The following IGFL4 variants were observed in gnomAD, a reference collection of about 807,000 sequenced individuals.
IGFL4 encodes insulin growth factor-like family member 4.
IGFL4 carries 12 observed loss-of-function variants against 15.4 expected under a neutral mutation model. The ratio of observed to expected loss-of-function variants is 0.78; its 90% CI spans 0.50 to 1.26. The LOEUF (loss-of-function observed/expected upper bound fraction) is 1.26. Ranked by LOEUF, IGFL4 falls within the 50% of genes most tolerant of loss-of-function variation. The probability of loss-of-function intolerance (pLI) is 0.00; values close to 1 mark genes in which losing one functional copy is unlikely to be tolerated. For missense variants in IGFL4, 126 were observed against 147.8 expected, an observed-to-expected ratio of 0.85 and a Z score of 0.76; for synonymous variants, 54 against 55.9, an observed-to-expected ratio of 0.97 and a Z score of 0.16.
chr19:46,067,770 C>A (rs1969508896), intron 1 of IGFL4, among the ~76,000 whole-genome samples: 2 of 152,106 alleles, frequency 1.3e-5, no homozygotes, highest in African/African-American at 4.8e-5. Context: ...CTGGGACCCA[C>A]ATCTGATCTA....
At chr19:46,050,411 T>TA (rs968730182) in intron 2 of IGFL4, among the ~76,000 whole-genome samples, 5 of 151,232 alleles carry the variant, frequency 3.3e-5, no homozygotes, top group Admixed American at 1.3e-4. Context: ...CTTAAAGAAA[T>TA]AAAAAAAGAT....
At chr19:46,064,119 AT>A (rs1423913335) in intron 1 of IGFL4, among the ~76,000 whole-genome samples, 1 of 151,342 alleles carries the variant, frequency 6.6e-6, no homozygotes, top group African/African-American at 2.4e-5. Flanking sequence ...GGAAGTTTAC[AT>A]GCTGATTCTT....
Position 46,077,019 on chromosome 19 carries a change from C to A in IGFL4, c.-432+1G>T, listed in dbSNP as rs913995975. 6.6e-6 allele frequency: 1 copy of A among 152,230 alleles called. No individual in the cohort carries two copies. Among genetic ancestry groups the A allele is most frequent in the Admixed American group, 6.5e-5 (1 of 15,286 alleles). The allele number at this position is 152,230 out of a possible 1,614,324, so 9.4% of individuals were successfully genotyped here. On this transcript the variant is annotated splice_donor_variant, in intron 1 of 5. Coordinates refer to the IGFL4 transcript ENST00000601672. LOFTEE classifies it low-confidence loss of function (5UTR_SPLICE). The surrounding 1 kb of genome is among the most constrained non-coding windows in gnomAD (Gnocchi z 5.4). ...AGACACAAATGCTGAGGATCTCTCACCTGAGCATCCCTCGATGAGGGCTGT... is the reference window on the plus strand; with the variant it reads ...AGACACAAATGCTGAGGATCTCTCAACTGAGCATCCCTCGATGAGGGCTGT...
intron 1 of IGFL4, among the ~76,000 whole-genome samples, chr19:46,068,710 G>C (rs779876508): frequency 1.3e-5 from 2 of 152,300 alleles, no homozygotes; most frequent in African/African-American, 4.8e-5. Flanking sequence ...AGGAACCGCC[G>C]GGAAAGACTT....
At chr19:46,066,211 T>C (rs758340606) in intron 1 of IGFL4, among the ~76,000 whole-genome samples, 2 of 152,184 alleles carry the variant, frequency 1.3e-5, no homozygotes, top group Non-Finnish European at 2.9e-5. Flanking sequence ...CCAGATAAAA[T>C]ACAAGACTTC....
chr19:46,067,104 A>G (rs1025221874), intron 1 of IGFL4, among the ~76,000 whole-genome samples: 3 of 152,046 alleles, frequency 2.0e-5, no homozygotes, highest in African/African-American at 7.2e-5. Flanking sequence ...CGTAGTCCCC[A>G]TTTCAGATCC....
chr19:46,039,977 G>A (rs1182390606), intron 3 of IGFL4, 41 bp from the exon 4 acceptor site: 1 of 1,570,536 alleles, frequency 6.4e-7, no homozygotes, highest in African/African-American at 1.4e-5. Context: ...TAAGAGGGAG[G>A]GTGGTAGCAG....
At chr19:46,064,417 A>G (rs1969475507) in intron 1 of IGFL4, among the ~76,000 whole-genome samples, 1 of 152,044 alleles carries the variant, frequency 6.6e-6, no homozygotes, top group South Asian at 2.1e-4. Context: ...ATATTTTTGT[A>G]CCCATTAACC....
upstream of IGFL4, among the ~76,000 whole-genome samples, chr19:46,041,572 A>G (rs1460537988): frequency 6.6e-6 from 1 of 151,824 alleles, no homozygotes; most frequent in Admixed American, 6.6e-5. Flanking sequence ...CTGGGATTCC[A>G]GATAGGAAAG....
At chr19:46,051,253 TA>T (rs1452569223) in intron 2 of IGFL4, among the ~76,000 whole-genome samples, 2 of 151,996 alleles carry the variant, frequency 1.3e-5, no homozygotes, top group Admixed American at 6.6e-5. Context: ...TATAAAACAA[TA>T]ACACAATGAG....
chr19:46,077,419 T>C (rs1969618412), upstream of IGFL4, among the ~76,000 whole-genome samples: 1 of 152,100 alleles, frequency 6.6e-6, no homozygotes, highest in African/African-American at 2.4e-5. This position sits in a 1 kb window ranked among gnomAD's most constrained non-coding sequence, Gnocchi z 5.4. Flanking sequence ...CACAGGGAAC[T>C]TGGACCGCCT....
intron 1 of IGFL4, among the ~76,000 whole-genome samples, chr19:46,066,074 T>C (rs2146526397): frequency 6.6e-6 from 1 of 152,296 alleles, no homozygotes; most frequent in Admixed American, 6.5e-5. Context: ...CAGGTGATTT[T>C]TTCTCTTGAT....
Position 46,040,514 on chromosome 19 carries a change from T to C in IGFL4, c.70+4A>G. ...CTCTCCTCCCTCACTGCATCTGTTC[T>C]CACCTGTGACTCCTTCTGAGTTTGA... On this transcript the variant is annotated splice_donor_region_variant and intron_variant, in intron 2 of 3. Transcript: ENST00000377697. The surrounding 1 kb of genome is among the most constrained non-coding windows in gnomAD (Gnocchi z 4.1). 6.2e-7 allele frequency: 1 copy of C among 1,614,188 alleles called. No homozygotes were observed. Among genetic ancestry groups the C allele is most frequent in the Non-Finnish European group, 8.5e-7 (1 of 1,180,030 alleles).
upstream of IGFL4, among the ~76,000 whole-genome samples, chr19:46,042,356 A>G (rs143338614): frequency 2.6e-5 from 4 of 152,300 alleles, no homozygotes; most frequent in African/African-American, 9.6e-5. Context: ...GCGGAAACAG[A>G]CCTATAAGAA....
intron 1 of IGFL4, among the ~76,000 whole-genome samples, chr19:46,065,489 A>G (rs1351691653): frequency 6.6e-6 from 1 of 152,164 alleles, no homozygotes; most frequent in Non-Finnish European, 1.5e-5. Context: ...TTGTATTTTT[A>G]GTAGAGACGG....
At chr19:46,066,916 G>T (rs1969500487) in intron 1 of IGFL4, among the ~76,000 whole-genome samples, 1 of 152,166 alleles carries the variant, frequency 6.6e-6, no homozygotes, top group South Asian at 2.1e-4. Context: ...AAGTAAGCAT[G>T]AATTATGTTC....
chr19:46,040,005 CAG>C lies in IGFL4; in HGVS notation c.331-71_331-70del. 6.6e-7 allele frequency: 1 copy of C among 1,518,102 alleles called. No individual in the cohort carries two copies. Among genetic ancestry groups the C allele is most frequent in the African/African-American group, 1.4e-5 (1 of 72,654 alleles). 94.0% of individuals were successfully genotyped at this position (1,518,102 alleles called of 1,614,324 possible). A position where few individuals can be genotyped will look rare whatever the true frequency, so the allele number is the denominator to read the frequency against. The stretch of plus-strand genomic sequence containing the variant: ...GGTAGCAGCAGTGGCGGGGAAGGAA[CAG>C]AGACATGGAGAAAGACAGAGTTGCA... On this transcript the variant is annotated intron_variant, in intron 3 of 3. Coordinates refer to ENST00000377697, the MANE Select transcript of IGFL4 (RefSeq NM_001002923.3). The surrounding 1 kb of genome is among the most constrained non-coding windows in gnomAD (Gnocchi z 4.1).
intron 2 of IGFL4, among the ~76,000 whole-genome samples, chr19:46,054,376 T>C (rs971156142): frequency 1.3e-5 from 2 of 152,192 alleles, no homozygotes; most frequent in Non-Finnish European, 2.9e-5. Flanking sequence ...CTTTCCCCAA[T>C]GAGTGTTCCT....
chr19:46,072,796 C>T (rs192382005), intron 1 of IGFL4, among the ~76,000 whole-genome samples: 7 of 151,928 alleles, frequency 4.6e-5, no homozygotes, highest in African/African-American at 1.2e-4. Flanking sequence ...GGTACCTGGC[C>T]CTGGGTTGAC....
Sources: allele counts gnomAD v4.1 joint callset (sites outside exome capture counted in the v4.1 genomes callset), GRCh38; gene constraint gnomAD v4.1.1; non-coding constraint Gnocchi (gnomAD v3.1); transcripts MANE v1.5; gene names NCBI Gene and HGNC (gene_info 2026-07-23, HGNC 2026-07-21).